Variants in NMBR observed in about 807,000 individuals in gnomAD.
NMBR encodes neuromedin B receptor.
Under a neutral mutation model 20.5 loss-of-function variants are expected in NMBR, and 16 were observed. The ratio of observed to expected loss-of-function variants is 0.78; its 90% CI spans 0.53 to 1.19. The LOEUF (loss-of-function observed/expected upper bound fraction) is 1.19, where lower values mean the gene tolerates loss of function less well. Among genes scored for constraint, NMBR ranks in the 50% most tolerant of loss-of-function variants. The pLI is 0.00. For missense variants in NMBR, 582 were observed against 499.1 expected (o/e 1.17, Z -1.58); for synonymous variants, 212 against 196.6 (o/e 1.08, Z -0.65).
At chr6:142,133,666 A>G (rs1194295978) in intron 1 of NMBR, among the ~76,000 whole-genome samples, 2 of 152,176 alleles carry the variant, frequency 1.3e-5, no homozygotes, top group African/African-American at 2.4e-5. Context: ...ATTGCTTTTC[A>G]TATTTTAAGA....
Position 142,075,466 on chromosome 6 carries a change from A to G in NMBR, c.*182T>C. 3.7e-6 allele frequency: 2 copies of G among 546,586 alleles called. No individual in the cohort carries two copies. Among genetic ancestry groups the G allele is most frequent in the East Asian group, 6.0e-5 (2 of 33,186 alleles). The allele number at this position is 546,586 out of a possible 1,614,324, so 33.9% of individuals were successfully genotyped here. On this transcript the variant is annotated 3_prime_UTR_variant, in exon 4 of 4. Coordinates refer to ENST00000258042, the MANE Select transcript of NMBR (RefSeq NM_002511.4). ...GATTTAAAGTCTTTTCTCATATTCT[A>G]ATTATTAGGAAATGAAAAGAGAAAA...
intron 1 of NMBR, among the ~76,000 whole-genome samples, chr6:142,091,770 T>C (rs908608551): frequency 6.6e-6 from 1 of 152,342 alleles, no homozygotes; most frequent in Admixed American, 6.5e-5. Context: ...CAAAAAAATG[T>C]GATTTCTATA....
chr6:142,124,739 G>C (rs1778001823), intron 1 of NMBR, among the ~76,000 whole-genome samples: 1 of 151,852 alleles, frequency 6.6e-6, no homozygotes, highest in South Asian at 2.1e-4. Flanking sequence ...TGAAAAGAAG[G>C]AAAATAAGAC....
At position 142,078,759 on chromosome 6, in the gene NMBR, G is replaced by A. The variant is rs1395931276; in HGVS notation, c.567C>T (p.Ser189=). The A allele has an allele frequency of 1.2e-6, 2 of 1,613,820 alleles. No homozygotes were observed. The highest frequency in any genetic ancestry group is 1.7e-6 in the Non-Finnish European group (2 of 1,180,012). Residue 189 remains serine (S), a synonymous_variant, in exon 3 of 4, where the codon AGC becomes AGT. Transcript: ENST00000258042. ...ATGCTGTGAAGCTGCTATTATCCAAGCTACTGATGCGAGCCACTTCTGAAA... is the reference window on the plus strand; with the variant it reads ...ATGCTGTGAAGCTGCTATTATCCAAACTACTGATGCGAGCCACTTCTGAAA... The part of the protein sequence containing the change: ...AVFSEVARIS[S]LDNSSFTACI...
chr6:142,140,821 G>T (rs1178150462), intron 1 of NMBR, among the ~76,000 whole-genome samples: 1 of 152,054 alleles, frequency 6.6e-6, no homozygotes, highest in Non-Finnish European at 1.5e-5. Flanking sequence ...TTTACAGCAA[G>T]GAATGATGAC....
At chr6:142,079,108 A>AAGAGAGAGAG (rs754275458) in intron 2 of NMBR, among the ~76,000 whole-genome samples, 39,983 of 106,270 alleles carry the variant, frequency 0.38, 7,367 homozygotes, top group East Asian at 0.66. Flanking sequence ...GAGAGAGAGA[A>AAGAGAGAGAG]AGAAAGAAAG....
intron 3 of NMBR, among the ~76,000 whole-genome samples, chr6:142,078,171 C>T (rs1240079456): frequency 6.6e-6 from 1 of 152,098 alleles, no homozygotes; most frequent in Non-Finnish European, 1.5e-5. Context: ...TTCTAGACTC[C>T]CTGCCATCCT....
rs550995556 is a variant in NMBR at position 142,120,879 on chromosome 6, T to A, written c.-664+26165A>T. ...AGACATCCAGTCAAAAATTACCAGTTACAGAGTTACCTCATTTTATCGTGT... is the reference window on the plus strand; with the variant it reads ...AGACATCCAGTCAAAAATTACCAGTAACAGAGTTACCTCATTTTATCGTGT... On this transcript the variant is annotated intron_variant, in intron 1 of 3. Transcript: ENST00000258042. Among the ~76,000 whole-genome samples, 5 of 152,060 alleles carry A rather than the reference T, an allele frequency of 3.3e-5. 1 individual carries two copies. In the South Asian group the frequency reaches 8.3e-4, roughly 25 times the overall value.
chr6:142,143,602 T>C (rs776001123), intron 1 of NMBR, among the ~76,000 whole-genome samples: 5 of 152,184 alleles, frequency 3.3e-5, no homozygotes, highest in Non-Finnish European at 7.4e-5. Context: ...AAATAAACCA[T>C]GTCGAGTAAG....
At chr6:142,076,821 A>T (rs1582832488) in intron 3 of NMBR, among the ~76,000 whole-genome samples, 1 of 152,232 alleles carries the variant, frequency 6.6e-6, no homozygotes, top group African/African-American at 2.4e-5. Context: ...ACCAACATGG[A>T]CATGGAATAC....
At chr6:142,133,723 T>C in intron 1 of NMBR, 1 of 511,366 alleles carries the variant, frequency 2.0e-6, no homozygotes, top group Non-Finnish European at 3.5e-6. Flanking sequence ...TGATGATCTC[T>C]AAGGGTCTAT....
intron 3 of NMBR, among the ~76,000 whole-genome samples, chr6:142,076,856 T>C (rs770964579): frequency 6.6e-6 from 1 of 152,190 alleles, no homozygotes; most frequent in Non-Finnish European, 1.5e-5. Context: ...ACATTGGTAG[T>C]AGGTATCATA....
At chr6:142,099,848 A>T (rs969400395) in intron 1 of NMBR, among the ~76,000 whole-genome samples, 2 of 152,212 alleles carry the variant, frequency 1.3e-5, no homozygotes, top group Non-Finnish European at 2.9e-5. Context: ...AAATACACAA[A>T]TAATTTTTAA....
At chr6:142,096,667 T>A (rs1233036908) in intron 1 of NMBR, among the ~76,000 whole-genome samples, 4 of 151,940 alleles carry the variant, frequency 2.6e-5, no homozygotes, top group Non-Finnish European at 4.4e-5. Context: ...GGGTGGAGAG[T>A]TCTGTATATG....
At chr6:142,132,675 TG>T (rs1275625643) in intron 1 of NMBR, among the ~76,000 whole-genome samples, 2 of 152,164 alleles carry the variant, frequency 1.3e-5, no homozygotes, top group African/African-American at 4.8e-5. Context: ...ATATTTCCCA[TG>T]TACTTTTCCT....
At chr6:142,131,844 T>C (rs2114607375) in intron 1 of NMBR, among the ~76,000 whole-genome samples, 1 of 152,350 alleles carries the variant, frequency 6.6e-6, no homozygotes, top group Non-Finnish European at 1.5e-5. Context: ...TCTACATGTC[T>C]GACAATTGTA....
chr6:142,135,723 T>C (rs1324672905), intron 1 of NMBR, among the ~76,000 whole-genome samples: 3 of 150,454 alleles, frequency 2.0e-5, no homozygotes, highest in Non-Finnish European at 3.0e-5. Flanking sequence ...TCAATTCCCA[T>C]CTATGAGTGA....
chr6:142,132,793 T>A (rs1241298719), intron 1 of NMBR, among the ~76,000 whole-genome samples: 1 of 152,162 alleles, frequency 6.6e-6, no homozygotes, highest in Admixed American at 6.6e-5. Context: ...CAGTCCATTT[T>A]TAGGTAATTG....
At chr6:142,141,015 TGACA>T (rs937277956) in intron 1 of NMBR, among the ~76,000 whole-genome samples, 1 of 152,132 alleles carries the variant, frequency 6.6e-6, no homozygotes, top group African/African-American at 2.4e-5. Flanking sequence ...AGTAATAAAC[TGACA>T]AAGTAAATAG....
Sources: gnomAD v4.1 joint callset for allele counts (sites outside exome capture counted in the v4.1 genomes callset) on GRCh38, gnomAD v4.1.1 for gene constraint, MANE v1.5 for transcripts, NCBI Gene and HGNC (gene_info 2026-07-23, HGNC 2026-07-21) for gene names.